The following DOCK8 variants were observed in gnomAD, a reference collection of about 807,000 sequenced individuals.
The protein encoded by DOCK8 is dedicator of cytokinesis 8.
Under a neutral mutation model 245.6 loss-of-function variants are expected in DOCK8, and 141 were observed. The ratio of observed to expected loss-of-function variants is 0.57; its 90% CI spans 0.50 to 0.66. DOCK8 has a LOEUF of 0.66. Among genes scored for constraint, DOCK8 ranks in the 30% least tolerant of loss-of-function variants. The pLI, the probability that DOCK8 is intolerant of heterozygous loss-of-function variation, is 0.00. For synonymous variants in DOCK8, 1,168 were observed against 970.2 expected, an observed-to-expected ratio of 1.20 and a Z score of -3.79; for missense variants, 2,965 against 2,603.4, an observed-to-expected ratio of 1.14 and a Z score of -3.02.
intron 14 of DOCK8, among the ~76,000 whole-genome samples, chr9:346,426 G>A (rs184065565): frequency 2.4e-4 from 36 of 152,204 alleles, no homozygotes; most frequent in Non-Finnish European, 4.3e-4. Flanking sequence ...GGGTATGTGC[G>A]GAGATCACAG....
At chr9:238,377 G>A (rs1003839537) in intron 1 of DOCK8, among the ~76,000 whole-genome samples, 1 of 152,154 alleles carries the variant, frequency 6.6e-6, no homozygotes, top group Non-Finnish European at 1.5e-5. Flanking sequence ...TAAGTACCAC[G>A]TTTCTGAGGT....
At chr9:244,951 C>A (rs943470202) in intron 1 of DOCK8, among the ~76,000 whole-genome samples, 1 of 152,158 alleles carries the variant, frequency 6.6e-6, no homozygotes, top group African/African-American at 2.4e-5. Flanking sequence ...AAGAGACTCT[C>A]CAGGGGCAGG....
At chr9:439,190 T>C in intron 39 of DOCK8, 55 bp from the exon 40 acceptor site, 1 of 1,612,982 alleles carries the variant, frequency 6.2e-7, no homozygotes, top group Middle Eastern at 1.7e-4. Flanking sequence ...GTTCCTGTGG[T>C]CTCTTACTAG....
chr9:407,141 A>G, intron 28 of DOCK8, 72 bp downstream of exon 28: 2 of 1,597,680 alleles, frequency 1.3e-6, no homozygotes, highest in African/African-American at 1.3e-5. Flanking sequence ...TTTGCAGTCT[A>G]GCTTCTCACA....
At chr9:304,735 G>C in intron 5 of DOCK8, 31 bp downstream of exon 5, 1 of 1,613,978 alleles carries the variant, frequency 6.2e-7, no homozygotes, top group African/African-American at 1.3e-5. Context: ...TGGTTACCAG[G>C]TTACTGGGCT....
intron 27 of DOCK8, 141 bp from the exon 28 acceptor site, chr9:406,789 G>A (rs933580953): frequency 3.1e-5 from 31 of 997,490 alleles, no homozygotes; most frequent in South Asian, 2.4e-4. Flanking sequence ...TTCCTTGTCC[G>A]CCTTATCTGG....
At chr9:365,552 A>C (rs770061663) in intron 14 of DOCK8, 2 of 448,110 alleles carry the variant, frequency 4.5e-6, no homozygotes, top group South Asian at 3.2e-5. Flanking sequence ...GCTAGTCATA[A>C]AACTTATCTG....
intron 14 of DOCK8, among the ~76,000 whole-genome samples, chr9:361,480 C>T (rs992741289): frequency 4.6e-5 from 7 of 152,162 alleles, no homozygotes; most frequent in Non-Finnish European, 8.8e-5. Context: ...GGCATCATTG[C>T]GTTTAAGACC....
At position 365,985 on chromosome 9, in the gene DOCK8, A is replaced by G. The variant is rs1209734343; in HGVS notation, c.1680-2033A>G. The G allele has an allele frequency of 1.5e-5, 3 of 202,478 alleles. No individual in the cohort carries two copies. The East Asian group carries it at 3.7e-4, about 25-fold the overall frequency. The allele number at this position is 202,478 out of a possible 1,614,324, so 12.5% of individuals were successfully genotyped here. A position where few individuals can be genotyped will look rare whatever the true frequency, so the allele number is the denominator to read the frequency against. ...TTTTGGGCTCTGCCTCTGTTTAGAC[A>G]GAGCACGATTTGGGAAGTGCTGCTA... On this transcript the variant is annotated intron_variant, in intron 14 of 47. Coordinates refer to ENST00000432829, the MANE Select transcript of DOCK8 (RefSeq NM_203447.4).
At chr9:431,306 A>G (rs10814889) in intron 36 of DOCK8, among the ~76,000 whole-genome samples, 88,677 of 152,094 alleles carry the variant, frequency 0.58, 29,447 homozygotes, top group East Asian at 0.98. Context: ...GTTAATAAGT[A>G]TGCTCAAGTG....
chr9:332,553 G>C, intron 10 of DOCK8, 75 bp downstream of exon 10: 7 of 969,054 alleles, frequency 7.2e-6, no homozygotes, highest in Non-Finnish European at 1.1e-5. Context: ...TACACAAATA[G>C]TTAATGGGCT....
intron 26 of DOCK8, among the ~76,000 whole-genome samples, chr9:404,661 T>G (rs917964644): frequency 6.6e-6 from 1 of 152,194 alleles, no homozygotes; most frequent in Non-Finnish European, 1.5e-5. Flanking sequence ...TATTAAAGAT[T>G]TGATAAAGTG....
rs2048169062 is a variant in DOCK8 at position 271,691 on chromosome 9, C to T, written c.118C>T (p.Gln40Ter). Residue 40 changes from glutamine to a stop codon, truncating the protein, a stop_gained, in exon 2 of 48, where the codon CAG becomes TAG. Coordinates refer to ENST00000432829, the MANE Select transcript of DOCK8 (RefSeq NM_203447.4). LOFTEE classifies it high-confidence loss of function. The stretch of plus-strand genomic sequence containing the variant: ...ACCAAACCTTGGCCAGTACCATCGA[C>T]AGAGCATAAGTACCTCTGGCTTCCC... The part of the protein sequence containing the change: ...LPPNLGQYHR[Q>*]SISTSGFPSL... 1.3e-6 allele frequency: 2 copies of T among 1,551,838 alleles called. No individual in the cohort carries two copies. The highest frequency in any genetic ancestry group is 1.7e-6 in the Non-Finnish European group (2 of 1,146,866).
At chr9:256,775 C>G (rs925634173) in intron 1 of DOCK8, among the ~76,000 whole-genome samples, 3 of 150,376 alleles carry the variant, frequency 2.0e-5, no homozygotes, top group Non-Finnish European at 2.9e-5. Flanking sequence ...GAAGCTCAGG[C>G]TTCAGTGCAC....
At chr9:277,471 G>GA (rs1563865240) in intron 2 of DOCK8, among the ~76,000 whole-genome samples, 5 of 144,768 alleles carry the variant, frequency 3.5e-5, no homozygotes, top group African/African-American at 1.1e-4. Flanking sequence ...GAAGAGAAGA[G>GA]AAGAGAAGAG....
intron 46 of DOCK8, chr9:452,717 G>A (rs1290934236): frequency 1.3e-5 from 2 of 152,278 alleles, no homozygotes; most frequent in Non-Finnish European, 2.9e-5. Context: ...CTCAAATTGA[G>A]AGAGGCAAGT....
At chr9:324,056 C>T (rs966033603) in intron 7 of DOCK8, among the ~76,000 whole-genome samples, 3 of 152,172 alleles carry the variant, frequency 2.0e-5, no homozygotes, top group African/African-American at 7.2e-5. Context: ...GCATCCTTAC[C>T]TTATTTTGCA....
At chr9:420,815 G>T in intron 31 of DOCK8, 134 bp from the exon 32 acceptor site, 1 of 1,337,672 alleles carries the variant, frequency 7.5e-7, no homozygotes, top group Non-Finnish European at 1.1e-6. Context: ...CCCATAGGAT[G>T]CTCCAGAGCA....
chr9:278,473 G>A (rs1792945013), intron 2 of DOCK8, among the ~76,000 whole-genome samples: 1 of 152,186 alleles, frequency 6.6e-6, no homozygotes, highest in Admixed American at 6.5e-5. Context: ...TACAATAGAG[G>A]GCCTATCCTC....
Sources: allele counts gnomAD v4.1 joint callset (sites outside exome capture counted in the v4.1 genomes callset), GRCh38; gene constraint gnomAD v4.1.1; transcripts MANE v1.5; gene names NCBI Gene and HGNC (gene_info 2026-07-23, HGNC 2026-07-21).